ACBD6: variants seen among roughly 807,000 people sequenced by gnomAD.
ACBD6 encodes acyl-CoA-binding domain-containing protein 6.
A neutral mutation model predicts 37.2 loss-of-function variants in ACBD6; 28 were observed. That is an observed-to-expected ratio of 0.75 (90% confidence interval 0.56 to 1.03). The LOEUF is 1.03. Among genes scored for constraint, ACBD6 ranks in the 50% least tolerant of loss-of-function variants. The pLI is 0.00. For synonymous variants in ACBD6, 113 were observed against 126.8 expected (o/e 0.89, Z 0.73); for missense variants, 340 against 337.4 (o/e 1.01, Z -0.06).
chr1:180,423,367 G>A (rs1310295767), intron 4 of ACBD6, among the ~76,000 whole-genome samples: 1 of 152,090 alleles, frequency 6.6e-6, no homozygotes, highest in East Asian at 1.9e-4. Flanking sequence ...AAACAAACCA[G>A]TTAGTTTTCC....
At chr1:180,288,665 A>G in intron 7 of ACBD6, 148 bp from the exon 8 acceptor site, 1 of 1,016,036 alleles carries the variant, frequency 9.8e-7, no homozygotes, top group Non-Finnish European at 1.5e-6. Flanking sequence ...AGGCCTGGTA[A>G]TGAGAACTGT....
At chr1:180,366,106 C>A (rs972783517) in intron 6 of ACBD6, among the ~76,000 whole-genome samples, 13 of 152,178 alleles carry the variant, frequency 8.5e-5, no homozygotes, top group African/African-American at 3.1e-4. Context: ...TATTTTATAA[C>A]ATGCACATAC....
At chr1:180,313,850 A>G (rs559925174) in intron 7 of ACBD6, among the ~76,000 whole-genome samples, 78 of 152,202 alleles carry the variant, frequency 5.1e-4, no homozygotes, top group Non-Finnish European at 1.0e-3. Context: ...TCTTTAAATC[A>G]TATTTACTAG....
chr1:180,467,953 A>G (rs1484368223), intron 3 of ACBD6, among the ~76,000 whole-genome samples: 4 of 152,232 alleles, frequency 2.6e-5, no homozygotes, highest in Admixed American at 2.6e-4. Flanking sequence ...GCCCTAAAGA[A>G]CAAAACCTGA....
chr1:180,431,810 G>C (rs577794659), intron 3 of ACBD6, among the ~76,000 whole-genome samples: 49 of 152,248 alleles, frequency 3.2e-4, no homozygotes, highest in African/African-American at 1.2e-3. Flanking sequence ...GAAGTGGCAA[G>C]CATAGCTTCT....
rs781105202 is a variant in ACBD6, at chr1:180,492,373, A to G, written c.288-8T>C. On this transcript the variant is annotated splice_polypyrimidine_tract_variant and splice_region_variant and intron_variant, in intron 2 of 7. Transcript: ENST00000367595. ...AGTGCTTTCCAAGCTTCCCTACAAT[A>G]TGGAATATCCAAAATGGCCTGTCAT... 9 of 1,611,190 alleles carry G rather than the reference A, an allele frequency of 5.6e-6. No individual in the cohort carries two copies. In the East Asian group the frequency reaches 1.8e-4, roughly 32 times the overall value.
chr1:180,283,485 G>A (rs138251803), downstream of ACBD6, among the ~76,000 whole-genome samples: 931 of 152,158 alleles, frequency 6.1e-3, 6 homozygotes, highest in African/African-American at 0.021. Context: ...TTTAACTTCC[G>A]TATTCTATCA....
downstream of ACBD6, chr1:180,288,229 A>T: frequency 7.7e-7 from 1 of 1,300,560 alleles, no homozygotes; most frequent in Non-Finnish European, 1.1e-6. Flanking sequence ...AGACTTCAAA[A>T]TCCCAGTTCC....
chr1:180,316,336 GCACA>G (rs147480605), intron 6 of ACBD6, among the ~76,000 whole-genome samples: 6 of 149,274 alleles, frequency 4.0e-5, no homozygotes, highest in Non-Finnish European at 7.4e-5. Context: ...GCGTGAGTGC[GCACA>G]CACACACACA....
intron 3 of ACBD6, among the ~76,000 whole-genome samples, chr1:180,457,797 T>G (rs1397959027): frequency 6.6e-6 from 1 of 151,742 alleles, no homozygotes. Flanking sequence ...TTAACTGTTT[T>G]TTTTTTTTTT....
downstream of ACBD6, among the ~76,000 whole-genome samples, chr1:180,285,252 T>G (rs929252169): frequency 4.6e-5 from 7 of 152,206 alleles, no homozygotes; most frequent in African/African-American, 1.4e-4. Context: ...TGCTGGCAAC[T>G]GAACTACGAT....
chr1:180,501,901 T>C (rs1651993359), intron 1 of ACBD6, 144 bp downstream of exon 1: 1 of 734,808 alleles, frequency 1.4e-6, no homozygotes, highest in East Asian at 2.8e-5. Flanking sequence ...CCCCAGCAGA[T>C]GGTCAAAAAA....
intron 6 of ACBD6, among the ~76,000 whole-genome samples, chr1:180,373,837 A>G (rs966355606): frequency 1.3e-5 from 2 of 152,198 alleles, no homozygotes; most frequent in African/African-American, 4.8e-5. Context: ...TAGAAAGTGT[A>G]AAGAAAATCC....
At chr1:180,274,681 AT>A in exon 10 of ACBD6, 1 of 1,334,136 alleles carries the variant, frequency 7.5e-7, no homozygotes, top group South Asian at 1.4e-5. Flanking sequence ...GCCAATGTGA[AT>A]TTCCATTATT....
chr1:180,309,783 ACT>A (rs1650516299), intron 7 of ACBD6, among the ~76,000 whole-genome samples: 1 of 151,696 alleles, frequency 6.6e-6, no homozygotes, highest in Admixed American at 6.6e-5. Context: ...CTCTTTTTTG[ACT>A]CTCCGGTTAT....
At chr1:180,404,873 T>C (rs191399399) in intron 5 of ACBD6, among the ~76,000 whole-genome samples, 77 of 152,336 alleles carry the variant, frequency 5.1e-4, no homozygotes, top group African/African-American at 1.8e-3. Context: ...CCAAAGCTCA[T>C]AGGATTTAAG....
At chr1:180,274,275 T>C (rs746618484) in intron 10 of ACBD6, 3 of 1,614,198 alleles carry the variant, frequency 1.9e-6, no homozygotes, top group Non-Finnish European at 2.5e-6. Context: ...AATGGGAGCT[T>C]CTCCATGGAC....
At chr1:180,388,089 T>A (rs1419209587) in intron 6 of ACBD6, among the ~76,000 whole-genome samples, 1 of 147,782 alleles carries the variant, frequency 6.8e-6, no homozygotes, top group Admixed American at 6.9e-5. Flanking sequence ...GGCAGGAGAA[T>A]GGCGTGAACC....
At chr1:180,333,458 T>C (rs192690026) in intron 6 of ACBD6, among the ~76,000 whole-genome samples, 145 of 152,204 alleles carry the variant, frequency 9.5e-4, no homozygotes, top group African/African-American at 2.2e-3. Context: ...CCTGACCTCA[T>C]AGACCTGCTG....
Sources: allele counts gnomAD v4.1 joint callset (sites outside exome capture counted in the v4.1 genomes callset), GRCh38; gene constraint gnomAD v4.1.1; transcripts MANE v1.5; gene names NCBI Gene and HGNC (gene_info 2026-07-23, HGNC 2026-07-21).